The following CLNK variants were observed in gnomAD, a reference collection of about 807,000 sequenced individuals.
CLNK encodes the protein cytokine-dependent hematopoietic cell linker.
A neutral mutation model predicts 68.6 loss-of-function variants in CLNK; 74 were observed. The ratio of observed to expected loss-of-function variants is 1.08; its 90% CI spans 0.89 to 1.31. The LOEUF (loss-of-function observed/expected upper bound fraction) is 1.31, where lower values mean the gene tolerates loss of function less well. Among genes scored for constraint, CLNK ranks in the 50% most tolerant of loss-of-function variants. The probability of loss-of-function intolerance (pLI) is 0.00; values close to 1 mark genes in which losing one functional copy is unlikely to be tolerated. For synonymous variants in CLNK, 198 were observed against 172.2 expected (o/e 1.15, Z -1.17); for missense variants, 553 against 515.3 (o/e 1.07, Z -0.71).
At chr4:10,627,917 C>T (rs1314695992) in intron 2 of CLNK, among the ~76,000 whole-genome samples, 1 of 152,168 alleles carries the variant, frequency 6.6e-6, no homozygotes, top group Non-Finnish European at 1.5e-5. Flanking sequence ...ACTTCTTCCC[C>T]CTTCTGTCTC....
intron 4 of CLNK, among the ~76,000 whole-genome samples, chr4:10,572,899 G>C (rs1720404479): frequency 6.6e-6 from 1 of 152,132 alleles, no homozygotes; most frequent in African/African-American, 2.4e-5. Flanking sequence ...TGCAATCTCA[G>C]CTCACTGCAA....
chr4:10,516,645 T>C (rs1258301114), intron 15 of CLNK, among the ~76,000 whole-genome samples: 1 of 151,704 alleles, frequency 6.6e-6, no homozygotes, highest in African/African-American at 2.4e-5. Flanking sequence ...GTCTGCCTCC[T>C]GGGTTCAAGC....
At chr4:10,699,721 C>T in the CLNK span, among the ~76,000 whole-genome samples, 3 of 151,340 alleles carry the variant, frequency 2.0e-5, no homozygotes, top group Non-Finnish European at 2.9e-5. Flanking sequence ...ACCATGTGGG[C>T]CAGGCTGCTC....
chr4:10,542,864 C>T (rs1719094331), intron 8 of CLNK, among the ~76,000 whole-genome samples: 1 of 151,682 alleles, frequency 6.6e-6, no homozygotes. Context: ...GATAATTTCT[C>T]AAGGACAATT....
chr4:10,587,241 C>G (rs756724448), intron 3 of CLNK, among the ~76,000 whole-genome samples: 12 of 152,218 alleles, frequency 7.9e-5, no homozygotes, highest in Non-Finnish European at 1.3e-4. Flanking sequence ...GCTGGGATTA[C>G]AGGTGTGAGC....
chr4:10,728,037 C>T, the CLNK span, among the ~76,000 whole-genome samples: 1 of 152,090 alleles, frequency 6.6e-6, no homozygotes, highest in Admixed American at 6.6e-5. Context: ...AATATTTTGC[C>T]TCCTAGAGGG....
At chr4:10,625,331 T>G (rs552702274) in intron 2 of CLNK, among the ~76,000 whole-genome samples, 1 of 152,296 alleles carries the variant, frequency 6.6e-6, no homozygotes, top group East Asian at 1.9e-4. Flanking sequence ...GGGGCAAACA[T>G]GACAGGCTGA....
At chr4:10,537,654 T>TCC (rs761098632) in intron 11 of CLNK, among the ~76,000 whole-genome samples, 1 of 50,488 alleles carries the variant, frequency 2.0e-5, no homozygotes, top group Admixed American at 2.6e-4. Context: ...TTTCTTTCTT[T>TCC]CTTTCTTTCT....
At chr4:10,688,800 T>A (rs936416710), upstream of CLNK, among the ~76,000 whole-genome samples, 1 of 152,174 alleles carries the variant, frequency 6.6e-6, no homozygotes, top group African/African-American at 2.4e-5. Flanking sequence ...GGCTATGCAT[T>A]TAGTGCACAT....
chr4:10,716,686 C>CTTTTTTTT, the CLNK span, among the ~76,000 whole-genome samples: 47,396 of 129,706 alleles, frequency 0.37, 8,761 homozygotes, highest in East Asian at 0.53. Flanking sequence ...AGACAGAAAA[C>CTTTTTTTT]TTTTTTTTTT....
chr4:10,535,640 T>A (rs948505454), intron 11 of CLNK, among the ~76,000 whole-genome samples: 1 of 152,210 alleles, frequency 6.6e-6, no homozygotes, highest in Non-Finnish European at 1.5e-5. Context: ...CCCTTTTTAA[T>A]TGTCTTTCAG....
chr4:10,510,649 A>G (rs1485816456), intron 16 of CLNK, among the ~76,000 whole-genome samples: 1 of 152,194 alleles, frequency 6.6e-6, no homozygotes, highest in Non-Finnish European at 1.5e-5. Context: ...TCTGAGAAGA[A>G]GCATTTACAA....
intron 15 of CLNK, among the ~76,000 whole-genome samples, chr4:10,515,400 G>A (rs904346406): frequency 3.3e-5 from 5 of 151,036 alleles, no homozygotes; most frequent in Non-Finnish European, 5.9e-5. Context: ...AATGAACTCT[G>A]TTCCTTTTCT....
At chr4:10,706,926 A>AC in the CLNK span, among the ~76,000 whole-genome samples, 2 of 151,672 alleles carry the variant, frequency 1.3e-5, no homozygotes, top group African/African-American at 2.4e-5. Flanking sequence ...GCCTCATCAG[A>AC]CCCCCCTCCC....
chr4:10,732,788 T>G, the CLNK span, among the ~76,000 whole-genome samples: 64 of 152,106 alleles, frequency 4.2e-4, no homozygotes, highest in Middle Eastern at 3.4e-3. Context: ...GAGTCAGGTG[T>G]TTTTTCTCTC....
the CLNK span, among the ~76,000 whole-genome samples, chr4:10,699,233 T>C: frequency 3.3e-4 from 31 of 94,448 alleles, 1 homozygote; most frequent in East Asian, 7.2e-3. Flanking sequence ...TGTGTGTGTA[T>C]ACACACACAT....
intron 2 of CLNK, among the ~76,000 whole-genome samples, chr4:10,600,292 C>T (rs959874258): frequency 6.6e-6 from 1 of 152,192 alleles, no homozygotes; most frequent in African/African-American, 2.4e-5. Context: ...CTTTGAGTCC[C>T]TCTGGTACTT....
Position 10,650,272 on chromosome 4 carries a change from G to A in CLNK, c.11+17587C>T, listed in dbSNP as rs556046874. 1.3e-4 allele frequency among the ~76,000 whole-genome samples: 20 copies of A among 152,056 alleles called. No individual in the cohort carries two copies. In the South Asian group the frequency reaches 1.7e-3, roughly 13 times the overall value. ...TGGGAGATGAAGGCTAAAACGTGAC[G>A]GTCTAGTATACATCTAATCAAAGTT... On this transcript the variant is annotated intron_variant, in intron 2 of 18. Coordinates refer to ENST00000226951, the MANE Select transcript of CLNK (RefSeq NM_052964.4).
At chr4:10,517,804 A>G (rs1392467271) in intron 15 of CLNK, among the ~76,000 whole-genome samples, 2 of 152,204 alleles carry the variant, frequency 1.3e-5, no homozygotes, top group African/African-American at 2.4e-5. Context: ...GGAAACAGCT[A>G]TGCATTTGTA....
Sources: gnomAD v4.1 joint callset for allele counts (sites outside exome capture counted in the v4.1 genomes callset) on GRCh38, gnomAD v4.1.1 for gene constraint, MANE v1.5 for transcripts, NCBI Gene and HGNC (gene_info 2026-07-23, HGNC 2026-07-21) for gene names.